The following EYS variants were observed in gnomAD, a reference collection of about 807,000 sequenced individuals.
EYS encodes EGF-like photoreceptor maintenance factor.
In EYS, 250 loss-of-function variants were observed where a neutral mutation model predicts 282.1. That is an observed-to-expected ratio of 0.89 (90% CI 0.80 to 0.98). The LOEUF (loss-of-function observed/expected upper bound fraction) is 0.98. Ranked by LOEUF, EYS falls within the 50% of genes least tolerant of loss-of-function variation. The pLI, the probability that EYS is intolerant of heterozygous loss-of-function variation, is 0.00. For missense variants in EYS, 4,016 were observed against 3,709.0 expected (o/e 1.08, Z -2.15); for synonymous variants, 1,355 against 1,282.9 (o/e 1.06, Z -1.20).
intron 22 of EYS, among the ~76,000 whole-genome samples, chr6:64,720,853 G>C (rs1209734011): frequency 3.3e-5 from 5 of 151,954 alleles, no homozygotes; most frequent in African/African-American, 1.2e-4. Flanking sequence ...ATGATTTATG[G>C]TGCCTCTTTT....
chr6:64,012,344 C>T (rs919749452), intron 33 of EYS, among the ~76,000 whole-genome samples: 9 of 152,216 alleles, frequency 5.9e-5, no homozygotes, highest in Middle Eastern at 3.4e-3. Context: ...CCATGCTCAG[C>T]CAGAAGTTTT....
At chr6:63,941,531 G>T (rs1199646539) in intron 35 of EYS, among the ~76,000 whole-genome samples, 1 of 152,116 alleles carries the variant, frequency 6.6e-6, no homozygotes, top group African/African-American at 2.4e-5. Context: ...TGATGGGGTT[G>T]TTTGATTTTT....
At chr6:64,469,860 G>T (rs559326635) in intron 26 of EYS, among the ~76,000 whole-genome samples, 3 of 152,234 alleles carry the variant, frequency 2.0e-5, no homozygotes, top group African/African-American at 7.2e-5. Context: ...CCGCCTTCAC[G>T]TTCCATCCTG....
intron 22 of EYS, among the ~76,000 whole-genome samples, chr6:64,746,743 T>C (rs1772568336): frequency 6.6e-6 from 1 of 152,240 alleles, no homozygotes; most frequent in Non-Finnish European, 1.5e-5. Context: ...GATGTGCTTT[T>C]GTGGAGGATA....
intron 31 of EYS, among the ~76,000 whole-genome samples, chr6:64,200,550 T>G (rs1582418754): frequency 6.6e-6 from 1 of 152,130 alleles, no homozygotes; most frequent in Admixed American, 6.6e-5. Flanking sequence ...AGGGTGCCAG[T>G]GTGTCATTCT....
At chr6:65,644,602 G>A (rs1383655202) in intron 1 of EYS, among the ~76,000 whole-genome samples, 1 of 152,154 alleles carries the variant, frequency 6.6e-6, no homozygotes, top group East Asian at 1.9e-4. Flanking sequence ...CATTGCCTAG[G>A]CACATAGTCA....
intron 26 of EYS, among the ~76,000 whole-genome samples, chr6:64,476,535 AT>A (rs554752983): frequency 2.8e-4 from 43 of 151,702 alleles, no homozygotes; most frequent in Admixed American, 5.9e-4. Flanking sequence ...TATAGAAAAT[AT>A]TTTTTTTCTT....
At chr6:64,935,807 AT>A (rs1313131169) in intron 15 of EYS, among the ~76,000 whole-genome samples, 1 of 151,738 alleles carries the variant, frequency 6.6e-6, no homozygotes, top group African/African-American at 2.4e-5. Flanking sequence ...AGATTTAGTA[AT>A]AAAAATGTGT....
chr6:65,364,156 A>G (rs1401825705), intron 8 of EYS, among the ~76,000 whole-genome samples: 2 of 150,820 alleles, frequency 1.3e-5, no homozygotes, highest in African/African-American at 2.4e-5. Flanking sequence ...CTGATACATC[A>G]CATCATTTGA....
intron 22 of EYS, among the ~76,000 whole-genome samples, chr6:64,676,595 A>G (rs1255839780): frequency 6.6e-6 from 1 of 152,112 alleles, no homozygotes; most frequent in Non-Finnish European, 1.5e-5. Context: ...TTTGCCATAC[A>G]TTTTGTATAT....
At chr6:64,776,647 A>G (rs903639951) in intron 22 of EYS, among the ~76,000 whole-genome samples, 1 of 152,086 alleles carries the variant, frequency 6.6e-6, no homozygotes, top group African/African-American at 2.4e-5. Flanking sequence ...TTCTGAGCTC[A>G]TCACATGTCT....
chr6:64,257,338 C>T (rs1001225815), intron 30 of EYS, among the ~76,000 whole-genome samples: 2 of 151,988 alleles, frequency 1.3e-5, no homozygotes, highest in African/African-American at 4.8e-5. Flanking sequence ...GAATTTCTCC[C>T]TTTTTCTATT....
intron 1 of EYS, among the ~76,000 whole-genome samples, chr6:65,664,133 G>T (rs961050419): frequency 1.3e-5 from 2 of 151,984 alleles, no homozygotes; most frequent in Non-Finnish European, 2.9e-5. Flanking sequence ...GCCTCCCAAA[G>T]TGCCGGGATT....
intron 2 of EYS, among the ~76,000 whole-genome samples, chr6:65,524,018 C>T (rs1407869952): frequency 6.6e-6 from 1 of 152,142 alleles, no homozygotes; most frequent in Admixed American, 6.5e-5. Flanking sequence ...ATTACAGACA[C>T]ACAACACCAC....
At chr6:65,508,899 C>A (rs1009538530) in intron 2 of EYS, among the ~76,000 whole-genome samples, 1 of 152,100 alleles carries the variant, frequency 6.6e-6, no homozygotes, top group South Asian at 2.1e-4. Context: ...CAGAATCATT[C>A]TCAGATCTTT....
At chr6:65,383,578 A>T (rs1300600740) in intron 8 of EYS, among the ~76,000 whole-genome samples, 2 of 151,636 alleles carry the variant, frequency 1.3e-5, no homozygotes, top group African/African-American at 4.8e-5. Context: ...TTCTCAAAAA[A>T]ATTATTTTTT....
chr6:64,647,022 T>C (rs1173931529), intron 22 of EYS, among the ~76,000 whole-genome samples: 3 of 152,152 alleles, frequency 2.0e-5, no homozygotes, highest in African/African-American at 7.2e-5. Context: ...AGAGGTAAAG[T>C]TGATTTTTTT....
chr6:64,497,079 CCTA>C (rs1233284257), intron 26 of EYS, among the ~76,000 whole-genome samples: 2 of 152,038 alleles, frequency 1.3e-5, no homozygotes, highest in African/African-American at 4.8e-5. Flanking sequence ...ATATTGAAGA[CCTA>C]CTACTATTTG....
At chr6:65,083,618 T>C (rs899249107) in intron 12 of EYS, among the ~76,000 whole-genome samples, 2 of 151,886 alleles carry the variant, frequency 1.3e-5, no homozygotes, top group African/African-American at 4.8e-5. Flanking sequence ...TTCAACCCTG[T>C]TTTCCTAATC....
Sources: allele counts gnomAD v4.1 joint callset (sites outside exome capture counted in the v4.1 genomes callset), GRCh38; gene constraint gnomAD v4.1.1; transcripts MANE v1.5; gene names NCBI Gene and HGNC (gene_info 2026-07-23, HGNC 2026-07-21).